Variants in CSRNP3 observed in about 807,000 individuals in gnomAD.
The protein encoded by CSRNP3 is cysteine and serine rich nuclear protein 3.
A neutral mutation model predicts 48.0 loss-of-function variants in CSRNP3; 12 were observed. The observed-to-expected ratio is 0.25, with a 90% CI of 0.16 to 0.41. The LOEUF (loss-of-function observed/expected upper bound fraction) is 0.41, where lower values mean the gene tolerates loss of function less well. Among genes scored for constraint, CSRNP3 ranks in the 10% least tolerant of loss-of-function variants. CSRNP3 has a pLI of 1.00. For synonymous variants in CSRNP3, 263 were observed against 269.7 expected, an observed-to-expected ratio of 0.98 and a Z score of 0.24; for missense variants, 580 against 724.4, an observed-to-expected ratio of 0.80 and a Z score of 2.29.
At position 165,477,907 on chromosome 2, in the gene CSRNP3, G is replaced by A. The variant is rs1435837747; in HGVS notation, c.-283+8167G>A. Among the ~76,000 whole-genome samples the A allele has an allele frequency of 2.0e-5, 3 of 151,968 alleles. No individual in the cohort carries two copies. In the East Asian group the frequency reaches 5.8e-4, roughly 29 times the overall value. ...CAGGAGAATTGCTTGAACTTGCAAGGTGGAGGTTGCAGTGAGCCGAGGTCA... is the reference window on the plus strand; with the variant it reads ...CAGGAGAATTGCTTGAACTTGCAAGATGGAGGTTGCAGTGAGCCGAGGTCA... On this transcript the variant is annotated intron_variant, in intron 1 of 6. Transcript: ENST00000651982.
intron 5 of CSRNP3, among the ~76,000 whole-genome samples, chr2:165,660,681 T>C (rs1440905798): frequency 6.6e-6 from 1 of 152,216 alleles, no homozygotes; most frequent in Non-Finnish European, 1.5e-5. Flanking sequence ...TTAAATAAGC[T>C]GAATGAGAAA....
At chr2:165,561,278 G>A (rs993847426) in intron 3 of CSRNP3, among the ~76,000 whole-genome samples, 2 of 152,108 alleles carry the variant, frequency 1.3e-5, no homozygotes, top group Non-Finnish European at 2.9e-5. Flanking sequence ...TACCTTTGAT[G>A]TCTACCTAAA....
At chr2:165,560,266 T>C (rs1472223402) in intron 3 of CSRNP3, among the ~76,000 whole-genome samples, 1 of 152,164 alleles carries the variant, frequency 6.6e-6, no homozygotes, top group Admixed American at 6.5e-5. Context: ...TGAATGGGAA[T>C]ATCAATGTAA....
chr2:165,584,256 C>T (rs1040862513), intron 3 of CSRNP3, among the ~76,000 whole-genome samples: 10 of 152,128 alleles, frequency 6.6e-5, no homozygotes, highest in Non-Finnish European at 1.0e-4. Flanking sequence ...CTAGAGGCTA[C>T]GAATACCTAG....
intron 4 of CSRNP3, among the ~76,000 whole-genome samples, chr2:165,617,047 C>A (rs905502064): frequency 6.6e-6 from 1 of 152,054 alleles, no homozygotes; most frequent in African/African-American, 2.4e-5. Flanking sequence ...ATTTCCCATT[C>A]AGATCCTGAA....
chr2:165,522,332 A>G (rs557323675), intron 3 of CSRNP3, among the ~76,000 whole-genome samples: 21 of 152,156 alleles, frequency 1.4e-4, no homozygotes, highest in African/African-American at 4.6e-4. Context: ...AAAACCGCTT[A>G]ACAGATACAC....
intron 3 of CSRNP3, among the ~76,000 whole-genome samples, chr2:165,585,218 T>G (rs932514454): frequency 6.6e-6 from 1 of 152,130 alleles, no homozygotes; most frequent in African/African-American, 2.4e-5. Flanking sequence ...ATGTGTTTTT[T>G]TTTTTTTTTA....
At chr2:165,514,899 C>A (rs1468992870) in intron 2 of CSRNP3, among the ~76,000 whole-genome samples, 2 of 152,194 alleles carry the variant, frequency 1.3e-5, no homozygotes, top group South Asian at 2.1e-4. Flanking sequence ...GCTTCACTGG[C>A]CTTAGTTAGG....
intron 3 of CSRNP3, among the ~76,000 whole-genome samples, chr2:165,591,651 G>T (rs571075631): frequency 2.0e-5 from 3 of 152,162 alleles, no homozygotes; most frequent in Non-Finnish European, 2.9e-5. Flanking sequence ...AGCTAAAAGC[G>T]GCCAAAGTAC....
At chr2:165,487,945 A>G (rs1289898795) in intron 1 of CSRNP3, among the ~76,000 whole-genome samples, 1 of 138,430 alleles carries the variant, frequency 7.2e-6, no homozygotes, top group Admixed American at 7.3e-5. Flanking sequence ...ACACATAACA[A>G]TATTAACTTT....
chr2:165,647,239 A>T (rs553342995), intron 4 of CSRNP3, among the ~76,000 whole-genome samples: 1 of 152,248 alleles, frequency 6.6e-6, no homozygotes, highest in Non-Finnish European at 1.5e-5. Context: ...GCTCATTAAT[A>T]TAACTTGTAT....
At chr2:165,618,536 T>C (rs987942683) in intron 4 of CSRNP3, among the ~76,000 whole-genome samples, 1 of 152,228 alleles carries the variant, frequency 6.6e-6, no homozygotes, top group Non-Finnish European at 1.5e-5. Context: ...ACCCTTGCTA[T>C]TGAGGAGCAA....
intron 3 of CSRNP3, among the ~76,000 whole-genome samples, chr2:165,560,283 T>C (rs373432004): frequency 1.3e-5 from 2 of 152,192 alleles, no homozygotes; most frequent in Non-Finnish European, 2.9e-5. Flanking sequence ...GTAAATAGTA[T>C]AGATATAGCC....
chr2:165,629,873 A>T (rs1216718734), intron 4 of CSRNP3, among the ~76,000 whole-genome samples: 3 of 151,958 alleles, frequency 2.0e-5, no homozygotes, highest in African/African-American at 7.2e-5. Flanking sequence ...CCTTTCATTG[A>T]TTCCCCTTTT....
intron 3 of CSRNP3, chr2:165,574,516 T>C (rs1245287773): frequency 1.2e-5 from 10 of 868,102 alleles, no homozygotes; most frequent in Middle Eastern, 2.3e-4. Flanking sequence ...ATCGTGGCAA[T>C]TGGCAGGGTG....
chr2:165,613,386 A>G (rs66524432), intron 4 of CSRNP3, among the ~76,000 whole-genome samples: 37,192 of 151,946 alleles, frequency 0.24, 4,683 homozygotes, highest in South Asian at 0.41. Context: ...TGTTGTGCAC[A>G]AGCTTTTTAT....
At chr2:165,572,425 T>A (rs746986997) in intron 3 of CSRNP3, 7 of 152,106 alleles carry the variant, frequency 4.6e-5, no homozygotes, top group Non-Finnish European at 7.3e-5. Context: ...ATAAAGCATA[T>A]GGTACAAGCA....
intron 3 of CSRNP3, among the ~76,000 whole-genome samples, chr2:165,554,495 C>T (rs1685138181): frequency 6.6e-6 from 1 of 152,200 alleles, no homozygotes; most frequent in Non-Finnish European, 1.5e-5. Flanking sequence ...ACCCATCATT[C>T]TGAAAATCTT....
intron 4 of CSRNP3, among the ~76,000 whole-genome samples, chr2:165,622,798 G>A (rs939547393): frequency 5.3e-5 from 8 of 152,168 alleles, no homozygotes; most frequent in African/African-American, 1.9e-4. Context: ...TAACTGCAAG[G>A]AAGGCTGGAT....
Sources: allele counts gnomAD v4.1 joint callset (sites outside exome capture counted in the v4.1 genomes callset), GRCh38; gene constraint gnomAD v4.1.1; transcripts MANE v1.5; gene names NCBI Gene and HGNC (gene_info 2026-07-23, HGNC 2026-07-21).